Variants in MAGI2 observed in about 807,000 individuals in gnomAD.
MAGI2 encodes membrane associated guanylate kinase, WW and PDZ domain containing 2.
Under a neutral mutation model 133.3 loss-of-function variants are expected in MAGI2, and 35 were observed. That is an observed-to-expected ratio of 0.26 (90% CI 0.20 to 0.35). MAGI2 has a LOEUF of 0.35. Ranked by LOEUF, MAGI2 falls within the 10% of genes least tolerant of loss-of-function variation. The probability of loss-of-function intolerance (pLI) is 1.00; values close to 1 mark genes in which losing one functional copy is unlikely to be tolerated. For missense variants in MAGI2, 1,636 were observed against 1,863.4 expected (o/e 0.88, Z 2.25); for synonymous variants, 729 against 710.6 (o/e 1.03, Z -0.41).
In MAGI2 at chr7:79,453,292, T is replaced by A. The variant is rs772583037; in HGVS notation, c.29A>T (p.His10Leu). The change falls in exon 1 of 22, where the codon CAC (histidine) becomes CTC (leucine). Residue 10 changes from histidine (H) to leucine (L), a missense_variant. By Grantham distance (99) the His-to-Leu change is moderately conservative. Around this residue, in one of 5 missense-constraint regions of MAGI2, gnomAD observed 148 missense variants for 239.0 expected, o/e 0.62. Transcript: ENST00000354212. ...ACTCTCATGGACTTTGCTAGTCCAG[T>A]GGCTTTTCTTTTTCAAGCTTTTGGA... MSKSLKKKS[H>L]WTSKVHESVI... is the part of the protein sequence containing the mutation. 6.2e-7 allele frequency: 1 copy of A among 1,612,106 alleles called. No individual in the cohort carries two copies. The highest frequency in any genetic ancestry group is 1.7e-5 in the Admixed American group (1 of 59,818).
At chr7:78,596,112 AGGAAGGAAGGAG>A (rs901935306) in intron 3 of MAGI2, among the ~76,000 whole-genome samples, 37 of 146,796 alleles carry the variant, frequency 2.5e-4, no homozygotes, top group African/African-American at 6.2e-4. Flanking sequence ...TGTCCATATT[AGGAAGGAAGGAG>A]GGAAGGAAGG....
chr7:79,382,290 A>G (rs1468566410), intron 1 of MAGI2, among the ~76,000 whole-genome samples: 2 of 151,744 alleles, frequency 1.3e-5, no homozygotes, highest in Admixed American at 6.6e-5. Flanking sequence ...CAAGTTCACT[A>G]TTGAGAAGAA....
At chr7:78,072,829 G>T in intron 21 of MAGI2, 1 of 397,812 alleles carries the variant, frequency 2.5e-6, no homozygotes, top group South Asian at 1.3e-4. Flanking sequence ...CACCACGCTT[G>T]GCTAATTTTT....
chr7:78,170,528 C>T (rs1358291966), intron 14 of MAGI2: 3 of 152,052 alleles, frequency 2.0e-5, no homozygotes, highest in Admixed American at 2.0e-4. Flanking sequence ...GAACAATAAA[C>T]AAAAATCACT....
intron 5 of MAGI2, among the ~76,000 whole-genome samples, chr7:78,496,819 GA>G (rs1794127999): frequency 6.6e-6 from 1 of 152,126 alleles, no homozygotes; most frequent in Non-Finnish European, 1.5e-5. Context: ...TACATCGCGT[GA>G]AAGTCTGAAT....
rs185359584 is a variant in MAGI2 at position 79,129,495 on chromosome 7, T to C, written c.302-122289A>G. Among the ~76,000 whole-genome samples the C allele has an allele frequency of 1.1e-3, 160 of 152,342 alleles. 3 individuals carry two copies. The East Asian group carries it at 0.018, about 17-fold the overall frequency. On this transcript the variant is annotated intron_variant, in intron 1 of 21. Coordinates refer to ENST00000354212, the MANE Select transcript of MAGI2 (RefSeq NM_012301.4). ...AACTTTCAGGATTATTAAATCCATCTCCATTTATTCTCCATCTCTATTCAC... is the reference window on the plus strand; with the variant it reads ...AACTTTCAGGATTATTAAATCCATCCCCATTTATTCTCCATCTCTATTCAC...
At chr7:78,782,307 G>C (rs994506963) in intron 2 of MAGI2, among the ~76,000 whole-genome samples, 3 of 152,142 alleles carry the variant, frequency 2.0e-5, no homozygotes, top group African/African-American at 4.8e-5. Flanking sequence ...GATTTGAGGC[G>C]GACTGGCTTC....
At chr7:78,565,949 G>A (rs775697487) in intron 3 of MAGI2, among the ~76,000 whole-genome samples, 27 of 152,158 alleles carry the variant, frequency 1.8e-4, no homozygotes, top group South Asian at 6.2e-4. Context: ...TCCCTGCCTC[G>A]GTTTAGTCAT....
At chr7:78,596,937 C>T (rs1227909586) in intron 3 of MAGI2, among the ~76,000 whole-genome samples, 1 of 152,044 alleles carries the variant, frequency 6.6e-6, no homozygotes, top group Non-Finnish European at 1.5e-5. Flanking sequence ...TTGTACGGAG[C>T]CTATTTTAAT....
At chr7:78,550,967 A>G (rs770693519) in intron 3 of MAGI2, among the ~76,000 whole-genome samples, 25 of 152,134 alleles carry the variant, frequency 1.6e-4, no homozygotes, top group Non-Finnish European at 3.2e-4. Flanking sequence ...GGATCCTTGT[A>G]AGCCATCTTA....
chr7:78,986,857 A>G (rs759082163), intron 2 of MAGI2, among the ~76,000 whole-genome samples: 1 of 151,934 alleles, frequency 6.6e-6, no homozygotes, highest in Non-Finnish European at 1.5e-5. Context: ...CTTGCTCCCC[A>G]TCAGTTAATC....
In MAGI2 at chr7:78,489,805, C is replaced by T. The variant is rs1280857580; in HGVS notation, c.1001G>A (p.Arg334Gln). 1 of 1,612,552 alleles carries T rather than the reference C, an allele frequency of 6.2e-7. No individual in the cohort carries two copies. Among genetic ancestry groups the T allele is most frequent in the South Asian group, 1.1e-5 (1 of 90,976 alleles). The change falls in exon 6 of 22, where the codon CGA becomes CAA. Residue 334 changes from arginine (R) to glutamine (Q), a missense_variant. By Grantham distance (43) the Arg-to-Gln change is conservative. This residue lies in a region of MAGI2 where 920 missense variants were observed against 1,093.5 expected (regional missense o/e 0.84). Transcript: ENST00000354212. ...NTKTTSWLDP[R>Q]LAKKAKPPEE... ...TGGAGGTTTAGCCTTTTTCGCAAGT[C>T]GTGGATCCAGCCATGATGTTGTCTT...
At chr7:78,091,307 G>A (rs907538546) in intron 20 of MAGI2, among the ~76,000 whole-genome samples, 1 of 152,140 alleles carries the variant, frequency 6.6e-6, no homozygotes, top group Non-Finnish European at 1.5e-5. Flanking sequence ...TATTAAAAGG[G>A]CTTGCGGGAG....
Position 78,127,383 on chromosome 7 carries a change from C to T in MAGI2, c.3237G>A (p.Val1079=). ...YRSEVKARQD[V]KPDIRQPPFT... ...ATGGAGGCTGTCGGATGTCTGGTTT[C>T]ACATCTTGCCTTGCTTTCACTTCCG... The change falls in exon 19 of 22, where the codon GTG becomes GTA. Residue 1079 remains valine (V), a synonymous_variant. Transcript: ENST00000354212. 1 of 1,606,402 alleles carries T rather than the reference C, an allele frequency of 6.2e-7. No homozygotes were observed. Among genetic ancestry groups the T allele is most frequent in the Non-Finnish European group, 8.5e-7 (1 of 1,179,908 alleles).
At chr7:79,147,655 C>A (rs1822776808) in intron 1 of MAGI2, among the ~76,000 whole-genome samples, 1 of 152,214 alleles carries the variant, frequency 6.6e-6, no homozygotes, top group Admixed American at 6.5e-5. Context: ...ATCTTGCATT[C>A]TCTCTCCTTC....
chr7:78,965,502 CATT>C lies in MAGI2; in HGVS notation c.418+41585_418+41587del, dbSNP rs200725934. 5.5e-3 allele frequency among the ~76,000 whole-genome samples: 832 copies of C among 151,898 alleles called. 9 individuals are homozygous for C. The highest frequency in any genetic ancestry group is 0.019 in the African/African-American group (779 of 41,480). ...GGGCTATTTTAAGTGAGGGTATAAT[CATT>C]ATAAATATCTCAGTCTCTCTGTACA... On this transcript the variant is annotated intron_variant, in intron 2 of 21. Coordinates refer to ENST00000354212, the MANE Select transcript of MAGI2 (RefSeq NM_012301.4).
chr7:79,126,448 T>C (rs1009125234), intron 1 of MAGI2, among the ~76,000 whole-genome samples: 3 of 152,066 alleles, frequency 2.0e-5, no homozygotes, highest in African/African-American at 7.2e-5. Context: ...CTCTTACTCA[T>C]TTACGCTAAT....
intron 21 of MAGI2, among the ~76,000 whole-genome samples, chr7:78,041,546 G>A (rs773538949): frequency 1.3e-5 from 2 of 152,132 alleles, no homozygotes; most frequent in African/African-American, 2.4e-5. Context: ...GTGGTAGTGC[G>A]TGCTTGTACT....
intron 5 of MAGI2, 47 bp downstream of exon 5, chr7:78,501,530 C>G (rs553079624): frequency 1.4e-6 from 2 of 1,477,312 alleles, no homozygotes; most frequent in Admixed American, 1.7e-5. Flanking sequence ...CATTTATATC[C>G]CGCTATGACC....
Sources: allele counts gnomAD v4.1 joint callset (sites outside exome capture counted in the v4.1 genomes callset), GRCh38; gene constraint gnomAD v4.1.1; regional missense constraint gnomAD v4.1.1; transcripts MANE v1.5; gene names NCBI Gene and HGNC (gene_info 2026-07-23, HGNC 2026-07-21).